CUL4A: variants seen among roughly 807,000 people sequenced by gnomAD.
The protein encoded by CUL4A is cullin-4A.
Under a neutral mutation model 95.5 loss-of-function variants are expected in CUL4A, and 16 were observed. The ratio of observed to expected loss-of-function variants is 0.17; its 90% CI spans 0.11 to 0.25. The LOEUF (loss-of-function observed/expected upper bound fraction) is 0.25, where lower values mean the gene tolerates loss of function less well. Ranked by LOEUF, CUL4A falls within the 10% of genes least tolerant of loss-of-function variation. The pLI is 1.00. For missense variants in CUL4A, 610 were observed against 937.0 expected (o/e 0.65, Z 4.56); for synonymous variants, 380 against 353.1 (o/e 1.08, Z -0.85).
intron 10 of CUL4A, among the ~76,000 whole-genome samples, chr13:113,242,752 C>T (rs1471730905): frequency 1.3e-5 from 2 of 152,200 alleles, no homozygotes; most frequent in African/African-American, 4.8e-5. Flanking sequence ...CACCACCGCA[C>T]TCCAGCCTCG....
intron 18 of CUL4A, among the ~76,000 whole-genome samples, chr13:113,259,107 T>C (rs1250691143): frequency 6.6e-6 from 1 of 152,280 alleles, no homozygotes; most frequent in African/African-American, 2.4e-5. Context: ...CAAAACTCTT[T>C]AGCTTTGAAA....
chr13:113,255,855 A>G (rs1198081012), intron 18 of CUL4A, among the ~76,000 whole-genome samples: 3 of 152,204 alleles, frequency 2.0e-5, no homozygotes, highest in Non-Finnish European at 2.9e-5. Flanking sequence ...TAAAGCTGCT[A>G]TAAACATTTC....
chr13:113,245,689 C>T (rs1328197104), intron 14 of CUL4A, among the ~76,000 whole-genome samples: 1 of 152,190 alleles, frequency 6.6e-6, no homozygotes, highest in Non-Finnish European at 1.5e-5. Flanking sequence ...ACACTATTAA[C>T]GTTTCACAAG....
intron 3 of CUL4A, among the ~76,000 whole-genome samples, chr13:113,225,179 T>C (rs1384234745): frequency 1.3e-5 from 2 of 152,180 alleles, no homozygotes; most frequent in Non-Finnish European, 2.9e-5. Context: ...AGATTGGCCC[T>C]TTTCTGAAGT....
At chr13:113,242,866 A>G (rs2041757941) in intron 10 of CUL4A, 102 bp from the exon 11 acceptor site, 4 of 859,228 alleles carry the variant, frequency 4.7e-6, no homozygotes, top group Non-Finnish European at 7.1e-6. Context: ...TTTACTACTA[A>G]GAGTAATTTA....
intron 15 of CUL4A, among the ~76,000 whole-genome samples, chr13:113,251,651 C>A (rs1386071886): frequency 6.6e-6 from 1 of 152,122 alleles, no homozygotes; most frequent in East Asian, 1.9e-4. Flanking sequence ...AGCACCTCCC[C>A]CTTCTCTCTC....
chr13:113,215,143 G>A (rs2040603050), intron 2 of CUL4A, among the ~76,000 whole-genome samples: 1 of 150,422 alleles, frequency 6.6e-6, no homozygotes, highest in African/African-American at 2.4e-5. Flanking sequence ...GTTCCGTGTG[G>A]CTGTGGAGGT....
intron 3 of CUL4A, among the ~76,000 whole-genome samples, chr13:113,223,693 G>A (rs945633814): frequency 2.3e-4 from 35 of 152,104 alleles, no homozygotes; most frequent in African/African-American, 7.2e-4. Context: ...CACCATGCCC[G>A]GCCAGATTTA....
intron 9 of CUL4A, among the ~76,000 whole-genome samples, chr13:113,237,346 G>A: frequency 6.6e-6 from 1 of 152,198 alleles, no homozygotes; most frequent in East Asian, 1.9e-4. Context: ...CCGACTAGGT[G>A]GTCTGCTTAA....
intron 18 of CUL4A, among the ~76,000 whole-genome samples, chr13:113,256,279 C>T (rs888247110): frequency 3.3e-5 from 5 of 152,142 alleles, no homozygotes; most frequent in African/African-American, 9.7e-5. Context: ...AGCACAGTGC[C>T]GGTTGTGTAG....
chr13:113,209,728 C>T lies in CUL4A; in HGVS notation c.101C>T (p.Pro34Leu), dbSNP rs1022330908. 9.3e-5 allele frequency: 108 copies of T among 1,162,686 alleles called. No homozygotes were observed. The highest frequency in any genetic ancestry group is 1.1e-4 in the Non-Finnish European group (105 of 943,922). 72.0% of individuals were successfully genotyped at this position (1,162,686 alleles called of 1,614,324 possible). ...GCCCTGGCCGCCGCGCCCGCCAAGC[C>T]GGGGGGCGCGGGCGGCTCCAAGAAG... ...PAALAAAPAK[P>L]GGAGGSKKLV... The change falls in exon 1 of 20, where the codon CCG (proline) becomes CTG (leucine). Residue 34 changes from proline (P) to leucine (L), a missense_variant. Coordinates refer to ENST00000375440, the MANE Select transcript of CUL4A (RefSeq NM_001008895.4).
chr13:113,222,843 T>C (rs2040950828), intron 3 of CUL4A, among the ~76,000 whole-genome samples: 1 of 152,030 alleles, frequency 6.6e-6, no homozygotes, highest in Non-Finnish European at 1.5e-5. Flanking sequence ...GAGGCTGCAG[T>C]GAGCTGAGAT....
chr13:113,240,779 C>G (rs2041685952), intron 10 of CUL4A, among the ~76,000 whole-genome samples: 2 of 152,058 alleles, frequency 1.3e-5, no homozygotes. Context: ...GGGGTTTCGG[C>G]CGAGGTCTAG....
chr13:113,208,634 T>TG, upstream of CUL4A: 1 of 1,606,924 alleles, frequency 6.2e-7, no homozygotes, highest in East Asian at 2.3e-5. Flanking sequence ...ATGTGCGCCA[T>TG]GGGAGCGCCG....
At chr13:113,239,353 C>T (rs2041638802) in intron 9 of CUL4A, 80 bp from the exon 10 acceptor site, 3 of 1,203,152 alleles carry the variant, frequency 2.5e-6, no homozygotes, top group Admixed American at 1.7e-5. Context: ...TGACGTTCTT[C>T]TGGTGCACGC....
At chr13:113,258,230 G>A (rs1164760946) in intron 18 of CUL4A, among the ~76,000 whole-genome samples, 1 of 152,002 alleles carries the variant, frequency 6.6e-6, no homozygotes, top group Non-Finnish European at 1.5e-5. Flanking sequence ...GGCTCAAGCA[G>A]TCTTCCTACC....
intron 3 of CUL4A, among the ~76,000 whole-genome samples, chr13:113,224,665 C>G (rs543684378): frequency 6.6e-6 from 1 of 152,272 alleles, no homozygotes; most frequent in African/African-American, 2.4e-5. Flanking sequence ...TCTCACTTGA[C>G]CAGATATCGT....
At chr13:113,229,130 AAG>A (rs1490971791) in intron 4 of CUL4A, among the ~76,000 whole-genome samples, 1 of 152,164 alleles carries the variant, frequency 6.6e-6, no homozygotes, top group Non-Finnish European at 1.5e-5. Context: ...AGACAAAAAA[AAG>A]AAAAATGACC....
At chr13:113,258,150 C>T (rs529743340) in intron 18 of CUL4A, among the ~76,000 whole-genome samples, 10 of 152,086 alleles carry the variant, frequency 6.6e-5, no homozygotes, top group Admixed American at 2.6e-4. Context: ...CCACCACGCC[C>T]AGCTAAATTT....
Sources: allele counts gnomAD v4.1 joint callset (sites outside exome capture counted in the v4.1 genomes callset), GRCh38; gene constraint gnomAD v4.1.1; transcripts MANE v1.5; gene names NCBI Gene and HGNC (gene_info 2026-07-23, HGNC 2026-07-21).